Variants in CNTNAP2 observed in about 807,000 individuals in gnomAD.
CNTNAP2 encodes contactin-associated protein-like 2.
A neutral mutation model predicts 155.2 loss-of-function variants in CNTNAP2; 98 were observed. The ratio of observed to expected loss-of-function variants is 0.63; its 90% confidence interval spans 0.54 to 0.75. The LOEUF is 0.75. Ranked by LOEUF, CNTNAP2 falls within the 30% of genes least tolerant of loss-of-function variation. CNTNAP2 has a pLI of 0.00. For missense variants in CNTNAP2, 1,727 were observed against 1,688.1 expected, an observed-to-expected ratio of 1.02 and a Z score of -0.40; for synonymous variants, 651 against 631.2, an observed-to-expected ratio of 1.03 and a Z score of -0.47.
intron 13 of CNTNAP2, among the ~76,000 whole-genome samples, chr7:147,772,398 TAAA>T (rs58669585): frequency 1.0e-4 from 12 of 118,112 alleles, no homozygotes; most frequent in African/African-American, 3.7e-4. Context: ...ACACTTTGTC[TAAA>T]AAAAAAAATA....
chr7:148,189,651 CA>C (rs1256301817), intron 18 of CNTNAP2, among the ~76,000 whole-genome samples: 1 of 152,166 alleles, frequency 6.6e-6, no homozygotes, highest in Non-Finnish European at 1.5e-5. Context: ...TTCCAGTCTC[CA>C]GAACCACAGC....
At chr7:147,131,106 A>G (rs1563087540) in intron 7 of CNTNAP2, among the ~76,000 whole-genome samples, 1 of 148,758 alleles carries the variant, frequency 6.7e-6, no homozygotes, top group African/African-American at 2.5e-5. Flanking sequence ...ATACACACAC[A>G]TATATATACC....
chr7:148,160,632 A>G (rs916047645), intron 17 of CNTNAP2, among the ~76,000 whole-genome samples: 7 of 152,062 alleles, frequency 4.6e-5, no homozygotes, highest in Non-Finnish European at 8.8e-5. Flanking sequence ...AAGATGCAAT[A>G]TTTTTTCCAT....
intron 9 of CNTNAP2, among the ~76,000 whole-genome samples, chr7:147,305,800 C>G: frequency 6.6e-6 from 1 of 152,136 alleles, no homozygotes; most frequent in East Asian, 1.9e-4. Flanking sequence ...TGTCAATGTT[C>G]TGGAGGCTGG....
intron 1 of CNTNAP2, among the ~76,000 whole-genome samples, chr7:146,262,653 C>T (rs1409581265): frequency 6.6e-6 from 1 of 152,084 alleles, no homozygotes; most frequent in African/African-American, 2.4e-5. Context: ...TTGATGGCAG[C>T]TACTACTGAA....
chr7:146,137,510 G>A lies in CNTNAP2; in HGVS notation c.97+20537G>A, dbSNP rs572695062. Among the ~76,000 whole-genome samples the A allele has an allele frequency of 3.3e-5, 5 of 152,128 alleles. No homozygotes were observed. In the South Asian group the frequency reaches 6.2e-4, roughly 19 times the overall value. The stretch of plus-strand genomic sequence containing the variant: ...AAATATTTAGGACTTGAAAGAAGAA[G>A]GTGAGCTGCTTGATTACGCTGTACT... On this transcript the variant is annotated intron_variant, in intron 1 of 23. Coordinates refer to ENST00000361727, the MANE Select transcript of CNTNAP2 (RefSeq NM_014141.6).
intron 1 of CNTNAP2, among the ~76,000 whole-genome samples, chr7:146,522,464 A>G (rs1320769541): frequency 6.6e-6 from 1 of 152,062 alleles, no homozygotes; most frequent in Non-Finnish European, 1.5e-5. Flanking sequence ...TGATAACTAC[A>G]TCATACAACT....
intron 9 of CNTNAP2, among the ~76,000 whole-genome samples, chr7:147,319,101 T>G (rs2116815673): frequency 6.6e-6 from 1 of 152,248 alleles, no homozygotes; most frequent in South Asian, 2.1e-4. Flanking sequence ...CAAAAATTGT[T>G]GAGGTTTCTT....
chr7:147,414,638 A>G (rs2116494783), intron 10 of CNTNAP2, among the ~76,000 whole-genome samples: 1 of 152,020 alleles, frequency 6.6e-6, no homozygotes, highest in Admixed American at 6.5e-5. Context: ...ATAAAATTCA[A>G]ATGAATTTAA....
chr7:146,278,756 A>C (rs901916252), intron 1 of CNTNAP2, among the ~76,000 whole-genome samples: 2 of 152,204 alleles, frequency 1.3e-5, no homozygotes, highest in South Asian at 4.1e-4. Context: ...TAATAAACCC[A>C]AATTAAGGAT....
chr7:146,646,735 G>A (rs1214884690), intron 1 of CNTNAP2, among the ~76,000 whole-genome samples: 1 of 152,102 alleles, frequency 6.6e-6, no homozygotes, highest in South Asian at 2.1e-4. Flanking sequence ...GTGGAGTCTT[G>A]AGTCATCAGT....
At chr7:146,630,755 A>G (rs918266776) in intron 1 of CNTNAP2, among the ~76,000 whole-genome samples, 5 of 152,030 alleles carry the variant, frequency 3.3e-5, no homozygotes, top group Non-Finnish European at 7.4e-5. Flanking sequence ...AATCACAAGC[A>G]TTCCCATGTA....
rs114589567 is a variant in CNTNAP2 at position 147,857,116 on chromosome 7, G to A, written c.2099-46449G>A. Among the ~76,000 whole-genome samples the A allele has an allele frequency of 3.0e-3, 449 of 152,180 alleles. 1 individual carries two copies. The highest frequency in any genetic ancestry group is 0.01 in the African/African-American group (428 of 41,508). Reference sequence around the variant, plus strand: ...GTTGTTGTTGTAAACTAAATGTTTTGGTATATTTGTCAGAACTTTTTATCT... The same window carrying A: ...GTTGTTGTTGTAAACTAAATGTTTTAGTATATTTGTCAGAACTTTTTATCT... On this transcript the variant is annotated intron_variant, in intron 13 of 23. Coordinates refer to ENST00000361727, the MANE Select transcript of CNTNAP2 (RefSeq NM_014141.6).
intron 11 of CNTNAP2, among the ~76,000 whole-genome samples, chr7:147,504,430 G>A (rs7797732): frequency 4.6e-5 from 7 of 151,776 alleles, no homozygotes; most frequent in South Asian, 2.1e-4. Context: ...GGCTCACTTC[G>A]GTAATCCCAG....
intron 1 of CNTNAP2, among the ~76,000 whole-genome samples, chr7:146,642,140 T>C (rs531966665): frequency 6.6e-6 from 1 of 151,982 alleles, no homozygotes; most frequent in South Asian, 2.1e-4. Flanking sequence ...TTTTATTTTT[T>C]TATTTTTTAT....
intron 12 of CNTNAP2, among the ~76,000 whole-genome samples, chr7:147,571,193 A>G (rs958918396): frequency 6.6e-6 from 1 of 151,346 alleles, no homozygotes; most frequent in African/African-American, 2.4e-5. Context: ...ATATGTATAC[A>G]TGTGCCATGT....
At chr7:146,877,570 G>A (rs894918275) in intron 3 of CNTNAP2, among the ~76,000 whole-genome samples, 8 of 151,146 alleles carry the variant, frequency 5.3e-5, no homozygotes, top group Non-Finnish European at 1.2e-4. Flanking sequence ...TACTATATAT[G>A]TGTGTGTATA....
At chr7:146,666,750 T>C (rs114740503) in intron 1 of CNTNAP2, among the ~76,000 whole-genome samples, 1 of 151,204 alleles carries the variant, frequency 6.6e-6, no homozygotes, top group Non-Finnish European at 1.5e-5. Flanking sequence ...TGAGGACTAG[T>C]GGTGTTGAGC....
Position 148,038,384 on chromosome 7 carries a change from G to A in CNTNAP2, c.2383+60395G>A, listed in dbSNP as rs534334187. Among the ~76,000 whole-genome samples, 64 of 152,210 alleles carry A rather than the reference G, an allele frequency of 4.2e-4. 1 individual carries two copies. Among genetic ancestry groups the A allele is most frequent in the Non-Finnish European group, 6.6e-4 (45 of 68,038 alleles). On this transcript the variant is annotated intron_variant, in intron 15 of 23. Transcript: ENST00000361727. ...AAATTCTCTGATCCTTTGAGACTCAGTTCAAGTATCTATGATCCTAGGAAA... is the reference window on the plus strand; with the variant it reads ...AAATTCTCTGATCCTTTGAGACTCAATTCAAGTATCTATGATCCTAGGAAA...
Sources: allele counts gnomAD v4.1 joint callset (sites outside exome capture counted in the v4.1 genomes callset), GRCh38; gene constraint gnomAD v4.1.1; transcripts MANE v1.5; gene names NCBI Gene and HGNC (gene_info 2026-07-23, HGNC 2026-07-21).